The following SUCO variants were observed in gnomAD, a reference collection of about 807,000 sequenced individuals.
The protein encoded by SUCO is SUN domain-containing ossification factor.
In SUCO, 57 loss-of-function variants were observed where a neutral mutation model predicts 148.1. The observed-to-expected ratio is 0.38, with a 90% CI of 0.31 to 0.48. The LOEUF is 0.48. SUCO is among the 20% of genes least tolerant of loss of function. SUCO has a pLI of 0.96. For synonymous variants in SUCO, 470 were observed against 502.7 expected (o/e 0.93, Z 0.87); for missense variants, 1,331 against 1,468.2 (o/e 0.91, Z 1.53).
chr1:172,571,518 C>G, intron 9 of SUCO, among the ~76,000 whole-genome samples: 1 of 151,060 alleles, frequency 6.6e-6, no homozygotes, highest in South Asian at 2.1e-4. Context: ...GCCTGGCCGC[C>G]CATCGTCTGG....
chr1:172,543,130 C>G (rs1433913744), intron 1 of SUCO: 1 of 430,684 alleles, frequency 2.3e-6, no homozygotes. Flanking sequence ...TTACATGCAG[C>G]TTTGATTATG....
At chr1:172,583,683 G>A (rs1656037721) in intron 15 of SUCO, among the ~76,000 whole-genome samples, 1 of 152,126 alleles carries the variant, frequency 6.6e-6, no homozygotes, top group Admixed American at 6.5e-5. Context: ...CAGAAATAAT[G>A]TATGATGATT....
rs1658131421 is a variant in SUCO, at chr1:172,610,200, G to A, written c.3706G>A (p.Gly1236Arg). ...GCCGAGCCTGCATGACATAATCAAA[G>A]GAAACAAAGAGATCACCGTGGGAAC... ...SLPSLHDIIK[G>R]NKEITVGTFG... is the part of the protein sequence containing the mutation. The change falls in exon 24 of 24, where the codon GGA becomes AGA. Residue 1236 changes from glycine to arginine, a missense_variant. Around this residue, in one of 3 missense-constraint regions of SUCO, gnomAD observed 334 missense variants for 352.3 expected, o/e 0.95. Transcript: ENST00000263688. 6.2e-7 allele frequency: 1 copy of A among 1,611,638 alleles called. No homozygotes were observed. The highest frequency in any genetic ancestry group is 1.3e-5 in the African/African-American group (1 of 74,668).
rs1353903881 is a variant in SUCO at position 172,533,153 on chromosome 1, G to A, written c.-283G>A. The A allele has an allele frequency of 1.4e-6, 2 of 1,465,854 alleles. No individual in the cohort carries two copies. Among genetic ancestry groups the A allele is most frequent in the Non-Finnish European group, 1.8e-6 (2 of 1,113,186 alleles). 90.8% of individuals were successfully genotyped at this position (1,465,854 alleles called of 1,614,324 possible). A position where few individuals can be genotyped will look rare whatever the true frequency, so the allele number is the denominator to read the frequency against. Reference sequence around the variant, plus strand: ...GCCCCCGGCGGGCGGGGAGGATATGGGGCGGCAGTGGCGGCTGCAGGAGGC... The same window carrying A: ...GCCCCCGGCGGGCGGGGAGGATATGAGGCGGCAGTGGCGGCTGCAGGAGGC... On this transcript the variant is annotated 5_prime_UTR_variant, in exon 1 of 24. Coordinates refer to ENST00000263688, the MANE Select transcript of SUCO (RefSeq NM_014283.5).
Position 172,609,900 on chromosome 1 carries a change from A to G in SUCO, c.3406A>G (p.Lys1136Glu). ...GCACCCCATAGCCAATGGCGACATA[A>G]AAGGAAGAAAGCCCTTTACGAACCA... ...PLHPIANGDIKGRKPFTNQRD... is the reference protein window; with the variant it reads ...PLHPIANGDIEGRKPFTNQRD... Residue 1136 changes from lysine (K) to glutamate (E), a missense_variant, in exon 24 of 24, where the codon AAA becomes GAA. Transcript: ENST00000263688. 1 of 1,613,910 alleles carries G rather than the reference A, an allele frequency of 6.2e-7. No individual in the cohort carries two copies. Among genetic ancestry groups the G allele is most frequent in the Non-Finnish European group, 8.5e-7 (1 of 1,179,830 alleles).
rs1267443750 is a variant in SUCO, at chr1:172,553,250, T to C, written c.178-10T>C. The stretch of plus-strand genomic sequence containing the variant: ...TTTATCAGGTGATTTTTGTTGTTGT[T>C]GTTATATAGGATGAAAGAGAGGGAC... On this transcript the variant is annotated splice_polypyrimidine_tract_variant and intron_variant, in intron 2 of 23. Coordinates refer to ENST00000263688, the MANE Select transcript of SUCO (RefSeq NM_014283.5). 1 of 1,550,608 alleles carries C rather than the reference T, an allele frequency of 6.4e-7. No individual in the cohort carries two copies. Among genetic ancestry groups the C allele is most frequent in the Admixed American group, 1.9e-5 (1 of 53,870 alleles).
At chr1:172,555,801 C>T (rs1385984647) in intron 3 of SUCO, 68 bp from the exon 4 acceptor site, 2 of 1,228,512 alleles carry the variant, frequency 1.6e-6, no homozygotes, top group Non-Finnish European at 2.2e-6. Flanking sequence ...TCCATAAATG[C>T]CCGTTCTGCT....
rs368728478 is a variant in SUCO, at chr1:172,571,400, G to C, written c.1049+670G>C. On this transcript the variant is annotated intron_variant, in intron 9 of 23. Transcript: ENST00000263688. The stretch of plus-strand genomic sequence containing the variant: ...GGCTGGAGTGCAGTGGCCTGATCTC[G>C]GCTCGCTACAACCTCCACCTCCCAG... Among the ~76,000 whole-genome samples, 529 of 152,208 alleles carry C rather than the reference G, an allele frequency of 3.5e-3. 4 individuals carry two copies. Among genetic ancestry groups the C allele is most frequent in the African/African-American group, 0.011 (466 of 41,564 alleles).
Position 172,589,615 on chromosome 1 carries a change from T to C in SUCO, c.2514T>C (p.Asp838=), listed in dbSNP as rs1179097379. ...INTATVPDNE[D]GEAKMNIADT... is the part of the protein sequence containing the mutation. Reference sequence around the variant, plus strand: ...CAGCCACTGTACCCGACAATGAAGATGGGGAAGCCAAAATGAATATAGCTG... The same window carrying C: ...CAGCCACTGTACCCGACAATGAAGACGGGGAAGCCAAAATGAATATAGCTG... Residue 838 remains aspartate (D), a synonymous_variant, in exon 18 of 24, where the codon GAT becomes GAC. Coordinates refer to ENST00000263688, the MANE Select transcript of SUCO (RefSeq NM_014283.5). 1.9e-6 allele frequency: 3 copies of C among 1,613,900 alleles called. No homozygotes were observed. The highest frequency in any genetic ancestry group is 2.5e-6 in the Non-Finnish European group (3 of 1,179,902).
upstream of SUCO, chr1:172,532,954 A>T (rs1023561267): frequency 1.1e-6 from 1 of 902,956 alleles, no homozygotes; most frequent in African/African-American, 1.8e-5. Context: ...TCCGCCTGCG[A>T]CGTCGAAGGG....
chr1:172,549,891 G>GA (rs60802914), intron 1 of SUCO, among the ~76,000 whole-genome samples: 135,143 of 143,916 alleles, frequency 0.94, 63,823 homozygotes, highest in South Asian at 1. Context: ...TTCCTTCAGG[G>GA]AAAAAAAAAA....
At chr1:172,609,780 G>C (rs750877844) in intron 23 of SUCO, 36 bp from the exon 24 acceptor site, 1 of 1,561,942 alleles carries the variant, frequency 6.4e-7, no homozygotes, top group East Asian at 2.2e-5. Context: ...ACTATGGGAA[G>C]TATCATTACT....
chr1:172,579,458 C>G (rs1655709082), intron 15 of SUCO, among the ~76,000 whole-genome samples, 191 bp downstream of exon 15: 1 of 151,978 alleles, frequency 6.6e-6, no homozygotes, highest in South Asian at 2.1e-4. Context: ...AGGAGAGAGA[C>G]AAATGCAATC....
chr1:172,534,492 C>T (rs998970181), intron 1 of SUCO, among the ~76,000 whole-genome samples: 7 of 152,160 alleles, frequency 4.6e-5, no homozygotes, highest in African/African-American at 1.7e-4. Context: ...ATTCCAGAAG[C>T]ACTGAAATTG....
At position 172,609,821 on chromosome 1, in the gene SUCO, G is replaced by A; in HGVS notation, c.3327G>A (p.Lys1109=). Reference sequence around the variant, plus strand: ...TTCTTTTACTTGTGTTGTAGAAGAAGCGCTGCAAGTACAAAATTGAAAAAA... The same window carrying A: ...TTCTTTTACTTGTGTTGTAGAAGAAACGCTGCAAGTACAAAATTGAAAAAA... The part of the protein sequence containing the change: ...PLKFSPEKKK[K]RCKYKIEKIE... Residue 1109 remains lysine, a synonymous_variant, in exon 24 of 24, where the codon AAG becomes AAA. Coordinates refer to ENST00000263688, the MANE Select transcript of SUCO (RefSeq NM_014283.5). 3 of 1,593,514 alleles carry A rather than the reference G, an allele frequency of 1.9e-6. No individual in the cohort carries two copies. The highest frequency in any genetic ancestry group is 2.3e-5 in the South Asian group (2 of 86,674).
At chr1:172,574,577 A>G (rs1242522314) in intron 10 of SUCO, among the ~76,000 whole-genome samples, 1 of 152,046 alleles carries the variant, frequency 6.6e-6, no homozygotes, top group East Asian at 1.9e-4. Context: ...TTTACTATGC[A>G]CTTATTTATT....
intron 1 of SUCO, among the ~76,000 whole-genome samples, chr1:172,540,532 T>C (rs1158823028): frequency 6.6e-6 from 1 of 152,228 alleles, no homozygotes; most frequent in Non-Finnish European, 1.5e-5. Flanking sequence ...CATTCTAAGA[T>C]ACTTGATTTG....
chr1:172,605,434 T>A (rs1033304165), intron 22 of SUCO, among the ~76,000 whole-genome samples: 1 of 151,854 alleles, frequency 6.6e-6, no homozygotes, highest in African/African-American at 2.4e-5. Flanking sequence ...TCCCATTGAG[T>A]GGTCTTTGCA....
At chr1:172,532,432 A>T (rs1651651609), upstream of SUCO, 5 of 1,499,850 alleles carry the variant, frequency 3.3e-6, no homozygotes, top group Non-Finnish European at 4.5e-6. Context: ...TTCTTGCTGA[A>T]GAGAAGAAAA....
Sources: gnomAD v4.1 joint callset for allele counts (sites outside exome capture counted in the v4.1 genomes callset) on GRCh38, gnomAD v4.1.1 for gene constraint, gnomAD v4.1.1 regional missense constraint, MANE v1.5 for transcripts, NCBI Gene and HGNC (gene_info 2026-07-23, HGNC 2026-07-21) for gene names.